Variants in RANBP17 observed in about 807,000 individuals in gnomAD.
The protein encoded by RANBP17 is RAN binding protein 17, also known as ran-binding protein 17.
A neutral mutation model predicts 141.2 loss-of-function variants in RANBP17; 158 were observed. The ratio of observed to expected loss-of-function variants is 1.12; its 90% CI spans 0.98 to 1.28. The LOEUF (loss-of-function observed/expected upper bound fraction) is 1.28. Among genes scored for constraint, RANBP17 ranks in the 50% most tolerant of loss-of-function variants. RANBP17 has a pLI of 0.00. For synonymous variants in RANBP17, 430 were observed against 450.0 expected (o/e 0.96, Z 0.56); for missense variants, 1,438 against 1,290.7 (o/e 1.11, Z -1.75).
intron 24 of RANBP17, among the ~76,000 whole-genome samples, chr5:171,262,613 C>T (rs558867102): frequency 6.6e-6 from 1 of 152,218 alleles, no homozygotes; most frequent in South Asian, 2.1e-4. Flanking sequence ...GGGTATCCAT[C>T]ACTGCAAACA....
At chr5:171,258,358 T>C (rs892920048) in intron 24 of RANBP17, among the ~76,000 whole-genome samples, 1 of 152,132 alleles carries the variant, frequency 6.6e-6, no homozygotes, top group Non-Finnish European at 1.5e-5. Flanking sequence ...ATACCATCCT[T>C]CTTCACAGAA....
At chr5:171,006,646 C>A (rs1056750406) in intron 14 of RANBP17, among the ~76,000 whole-genome samples, 11 of 151,032 alleles carry the variant, frequency 7.3e-5, no homozygotes, top group African/African-American at 2.2e-4. Flanking sequence ...CCTAATGTTA[C>A]ATGACGAGTT....
At chr5:171,297,165 A>G (rs996183524) in intron 27 of RANBP17, among the ~76,000 whole-genome samples, 14 of 152,234 alleles carry the variant, frequency 9.2e-5, no homozygotes, top group Non-Finnish European at 1.9e-4. Flanking sequence ...CTCAGTTGCC[A>G]ATGAGATCTA....
intron 25 of RANBP17, among the ~76,000 whole-genome samples, chr5:171,282,694 G>C (rs1767929211): frequency 6.6e-6 from 1 of 151,988 alleles, no homozygotes; most frequent in African/African-American, 2.4e-5. Context: ...TGGCCAGGCT[G>C]GTCTTGAACT....
At chr5:171,154,425 C>T (rs897994145) in intron 14 of RANBP17, among the ~76,000 whole-genome samples, 9 of 152,160 alleles carry the variant, frequency 5.9e-5, no homozygotes, top group Admixed American at 4.6e-4. Context: ...TACAGGCATG[C>T]GCCACCATGC....
intron 5 of RANBP17, among the ~76,000 whole-genome samples, chr5:170,902,994 C>T (rs1019235631): frequency 2.0e-5 from 3 of 152,060 alleles, no homozygotes; most frequent in African/African-American, 7.2e-5. Flanking sequence ...TCAGGAGGCA[C>T]GGAGATCTGT....
intron 14 of RANBP17, among the ~76,000 whole-genome samples, chr5:171,005,982 G>C (rs1225595715): frequency 6.6e-6 from 1 of 152,124 alleles, no homozygotes; most frequent in Non-Finnish European, 1.5e-5. Flanking sequence ...GCAGCCAAAA[G>C]ACACATGAAA....
At chr5:170,918,433 T>C (rs1024707675) in intron 9 of RANBP17, 12 of 130,400 alleles carry the variant, frequency 9.2e-5, no homozygotes, top group South Asian at 1.9e-4. Context: ...CACACAACTT[T>C]TGTGTACTAT....
At chr5:171,087,386 A>G (rs1213670396) in intron 14 of RANBP17, among the ~76,000 whole-genome samples, 5 of 152,086 alleles carry the variant, frequency 3.3e-5, no homozygotes, top group African/African-American at 1.2e-4. Context: ...ACTTCCAGCT[A>G]TGTGGTCAAT....
intron 14 of RANBP17, among the ~76,000 whole-genome samples, chr5:171,045,976 C>A (rs1782554657): frequency 6.6e-6 from 1 of 152,088 alleles, no homozygotes; most frequent in South Asian, 2.1e-4. Context: ...AAAACTTGAC[C>A]TTTTAAAACT....
intron 21 of RANBP17, among the ~76,000 whole-genome samples, chr5:171,220,638 G>A (rs1192608398): frequency 1.3e-5 from 2 of 151,898 alleles, no homozygotes; most frequent in African/African-American, 4.8e-5. Context: ...AGGAGAGACA[G>A]GGTTTCGCCA....
At chr5:170,965,720 G>T (rs1041281141) in intron 13 of RANBP17, among the ~76,000 whole-genome samples, 11 of 151,972 alleles carry the variant, frequency 7.2e-5, no homozygotes, top group African/African-American at 2.7e-4. Flanking sequence ...GATATGCAGC[G>T]TTATTTCTGA....
chr5:171,251,857 A>T, intron 24 of RANBP17: 1 of 1,381,162 alleles, frequency 7.2e-7, no homozygotes, highest in Non-Finnish European at 1.0e-6. Context: ...CATCTGTACC[A>T]TGAGTGCCAA....
Position 171,295,953 on chromosome 5 carries a change from C to G in RANBP17, c.3109C>G (p.Gln1037Glu). ...QPLPKQEVLA[Q>E]CFRNLMEGVE... ...CCTCCCCAAGCAGGAGGTCCTTGCC[C>G]AGTGCTTCAGAAACCTAATGGAAGG... The change falls in exon 27 of 28, where the codon CAG becomes GAG. Residue 1037 changes from glutamine to glutamate, a missense_variant. By Grantham distance (29) the Gln-to-Glu change is conservative (BLOSUM62 2). Transcript: ENST00000523189. 6.2e-7 allele frequency: 1 copy of G among 1,613,868 alleles called. No homozygotes were observed. The highest frequency in any genetic ancestry group is 1.1e-5 in the South Asian group (1 of 91,060).
At chr5:171,186,473 C>A (rs144076643) in intron 18 of RANBP17, among the ~76,000 whole-genome samples, 1 of 149,844 alleles carries the variant, frequency 6.7e-6, no homozygotes, top group Non-Finnish European at 1.5e-5. Context: ...AGAGTTAGGG[C>A]CTTGCTTCAC....
chr5:171,132,113 A>G (rs1053805997), intron 14 of RANBP17, among the ~76,000 whole-genome samples: 1 of 152,178 alleles, frequency 6.6e-6, no homozygotes, highest in Non-Finnish European at 1.5e-5. Flanking sequence ...AGATTCTTAC[A>G]TGTGAACTTG....
Position 170,940,696 on chromosome 5 carries a change from T to C in RANBP17, c.1469-12901T>C, listed in dbSNP as rs549915129. Among the ~76,000 whole-genome samples the C allele has an allele frequency of 2.6e-5, 4 of 152,244 alleles. No homozygotes were observed. In the South Asian group the frequency reaches 8.3e-4, roughly 32 times the overall value. ...CTTAATTGTTGGCATATCAAATAAG[T>C]AGCAAGTTAGTAAATTTAGGAGGGA... On this transcript the variant is annotated intron_variant, in intron 12 of 27. Transcript: ENST00000523189.
At chr5:171,016,019 C>T (rs940043035) in intron 14 of RANBP17, among the ~76,000 whole-genome samples, 1 of 152,086 alleles carries the variant, frequency 6.6e-6, no homozygotes. Flanking sequence ...GGAGTTCTCT[C>T]CTCTCCAGGA....
intron 25 of RANBP17, among the ~76,000 whole-genome samples, chr5:171,282,221 G>A (rs1333335694): frequency 1.3e-5 from 2 of 152,154 alleles, no homozygotes; most frequent in African/African-American, 2.4e-5. Flanking sequence ...GGAAAATGAA[G>A]GTTGAACATC....
Sources: gnomAD v4.1 joint callset for allele counts (sites outside exome capture counted in the v4.1 genomes callset) on GRCh38, gnomAD v4.1.1 for gene constraint, MANE v1.5 for transcripts, NCBI Gene and HGNC (gene_info 2026-07-23, HGNC 2026-07-21) for gene names.